MBD5: variants seen among roughly 807,000 people sequenced by gnomAD.
MBD5 encodes the protein methyl-CpG-binding domain protein 5.
A neutral mutation model predicts 117.3 loss-of-function variants in MBD5; 13 were observed. The observed-to-expected ratio is 0.11, with a 90% confidence interval of 0.07 to 0.18. MBD5 has a LOEUF of 0.18. Ranked by LOEUF, MBD5 falls within the 10% of genes least tolerant of loss-of-function variation. The pLI is 1.00. For synonymous variants in MBD5, 727 were observed against 766.4 expected (o/e 0.95, Z 0.85); for missense variants, 1,879 against 2,093.8 (o/e 0.90, Z 2.00).
intron 2 of MBD5, among the ~76,000 whole-genome samples, chr2:148,220,918 G>A (rs542639736): frequency 2.4e-4 from 37 of 151,824 alleles, no homozygotes; most frequent in African/African-American, 7.7e-4. Context: ...CCATCCCCAC[G>A]TATCCCCAAC....
chr2:148,310,087 G>A (rs1221078949), intron 3 of MBD5, among the ~76,000 whole-genome samples: 1 of 152,140 alleles, frequency 6.6e-6, no homozygotes, highest in Non-Finnish European at 1.5e-5. Context: ...GTTCATCAGG[G>A]ATATTGGCCT....
chr2:148,178,016 T>C (rs1698430453), intron 1 of MBD5, among the ~76,000 whole-genome samples: 2 of 152,080 alleles, frequency 1.3e-5, no homozygotes, highest in Admixed American at 6.5e-5. Context: ...AAAAAGTACA[T>C]ATTAAGTATG....
chr2:148,453,104 A>C (rs146778997), intron 4 of MBD5, among the ~76,000 whole-genome samples: 70 of 152,298 alleles, frequency 4.6e-4, no homozygotes, highest in Non-Finnish European at 8.8e-5. Flanking sequence ...TTACATTCCA[A>C]TGGGGAGAGC....
chr2:148,424,989 A>G (rs541208897), intron 4 of MBD5, among the ~76,000 whole-genome samples: 1 of 152,312 alleles, frequency 6.6e-6, no homozygotes, highest in Non-Finnish European at 1.5e-5. Flanking sequence ...GAGAAGCAAG[A>G]GCAAACAATT....
intron 11 of MBD5, among the ~76,000 whole-genome samples, chr2:148,494,543 A>G (rs1436658818): frequency 6.6e-6 from 1 of 152,174 alleles, no homozygotes; most frequent in Non-Finnish European, 1.5e-5. Context: ...GCCTGTATGT[A>G]TTACTTTCCT....
chr2:148,359,644 A>T (rs1337872036), intron 4 of MBD5, among the ~76,000 whole-genome samples: 4 of 152,234 alleles, frequency 2.6e-5, no homozygotes, highest in African/African-American at 7.2e-5. Flanking sequence ...TAGTGCCATT[A>T]AAAAAATACA....
intron 1 of MBD5, among the ~76,000 whole-genome samples, chr2:148,123,460 T>G (rs904684799): frequency 2.6e-5 from 4 of 152,206 alleles, no homozygotes; most frequent in Non-Finnish European, 4.4e-5. Context: ...TTGAGAGCCT[T>G]GTAAAAAATA....
In MBD5 at chr2:148,039,847, G is replaced by A. The variant is rs184557498; in HGVS notation, c.-925+18163G>A. Among the ~76,000 whole-genome samples, 89 of 152,130 alleles carry A rather than the reference G, an allele frequency of 5.9e-4. 2 individuals are homozygous for A. The highest frequency in any genetic ancestry group is 2.1e-3 in the African/African-American group (86 of 41,516). ...ACAAGGGTACTGGCCAGTCAGTTAT[G>A]TTTCAAAATACCTGTTACTTAGTTT... On this transcript the variant is annotated intron_variant, in intron 1 of 13. Coordinates refer to ENST00000642680, the MANE Select transcript of MBD5 (RefSeq NM_001378120.1).
chr2:148,291,095 T>A (rs1231220913), intron 3 of MBD5, among the ~76,000 whole-genome samples: 1 of 152,198 alleles, frequency 6.6e-6, no homozygotes, highest in Non-Finnish European at 1.5e-5. Context: ...CTATTTTAAT[T>A]ACTGTAGCTT....
At chr2:148,333,220 G>A (rs749338549) in intron 3 of MBD5, among the ~76,000 whole-genome samples, 4 of 152,044 alleles carry the variant, frequency 2.6e-5, no homozygotes, top group Non-Finnish European at 4.4e-5. Context: ...GCTTTCCTCA[G>A]AAGTCTAGTG....
At chr2:148,321,908 T>C (rs1702292585) in intron 3 of MBD5, among the ~76,000 whole-genome samples, 1 of 152,150 alleles carries the variant, frequency 6.6e-6, no homozygotes, top group African/African-American at 2.4e-5. Flanking sequence ...TAAAATGCCA[T>C]ACTCTCTTTG....
intron 4 of MBD5, among the ~76,000 whole-genome samples, chr2:148,378,015 T>C (rs1444520864): frequency 6.6e-6 from 1 of 152,176 alleles, no homozygotes; most frequent in Non-Finnish European, 1.5e-5. Context: ...AAATTAGCTA[T>C]TATGTAGCTA....
At chr2:148,486,046 G>T in intron 10 of MBD5, 96 bp downstream of exon 10, 2 of 1,105,200 alleles carry the variant, frequency 1.8e-6, no homozygotes, top group South Asian at 1.3e-5. Context: ...TAGGTTACGT[G>T]CCCTTTCACC....
chr2:148,273,053 C>T (rs765347475), intron 3 of MBD5, among the ~76,000 whole-genome samples: 25 of 152,102 alleles, frequency 1.6e-4, no homozygotes, highest in Admixed American at 8.5e-4. Context: ...CTGTTTTTTA[C>T]ACTTCTTTTT....
intron 3 of MBD5, among the ~76,000 whole-genome samples, chr2:148,305,635 G>A (rs1331487018): frequency 6.6e-6 from 1 of 152,202 alleles, no homozygotes; most frequent in African/African-American, 2.4e-5. Flanking sequence ...CAGGCATGAT[G>A]TCGCCTGCAC....
intron 3 of MBD5, among the ~76,000 whole-genome samples, chr2:148,328,216 G>A (rs544519104): frequency 1.1e-4 from 16 of 151,414 alleles, no homozygotes; most frequent in South Asian, 2.1e-4. Context: ...CTCCAGCTGC[G>A]TACTGGGAGG....
In MBD5 at chr2:148,294,501, G is replaced by GTTTTTTTTTTTTTTTTTTTT. The variant is rs58961481; in HGVS notation, c.-679-47712_-679-47693dup. Among the ~76,000 whole-genome samples, 92 of 113,236 alleles carry GTTTTTTTTTTTTTTTTTTTT rather than the reference G, an allele frequency of 8.1e-4. 6 individuals carry two copies. Among genetic ancestry groups the GTTTTTTTTTTTTTTTTTTTT allele is most frequent in the African/African-American group, 3.2e-3 (87 of 27,274 alleles). 74.3% of individuals were successfully genotyped at this position (113,236 alleles called of 152,430 possible). On this transcript the variant is annotated intron_variant, in intron 3 of 13. Coordinates refer to ENST00000642680, the MANE Select transcript of MBD5 (RefSeq NM_001378120.1). ...GGCCTCCCAAAGTGCTGGGATTACA[G>GTTTTTTTTTTTTTTTTTTTT]TTTTTTTTTTTTTTTTTTTTGAGAT...
At chr2:148,266,599 C>T (rs541438305) in intron 3 of MBD5, among the ~76,000 whole-genome samples, 1 of 151,914 alleles carries the variant, frequency 6.6e-6, no homozygotes, top group Non-Finnish European at 1.5e-5. Context: ...ATTATTTGCG[C>T]ATGTTACTAT....
intron 4 of MBD5, among the ~76,000 whole-genome samples, chr2:148,404,213 T>C (rs1705011386): frequency 6.6e-6 from 1 of 152,094 alleles, no homozygotes; most frequent in Non-Finnish European, 1.5e-5. Context: ...GTTAAATTAC[T>C]TAGAAAAAAA....
Sources: allele counts gnomAD v4.1 joint callset (sites outside exome capture counted in the v4.1 genomes callset), GRCh38; gene constraint gnomAD v4.1.1; transcripts MANE v1.5; gene names NCBI Gene and HGNC (gene_info 2026-07-23, HGNC 2026-07-21).